The following INF2 variants were observed in gnomAD, a reference collection of about 807,000 sequenced individuals.
The protein encoded by INF2 is inverted formin-2.
Under a neutral mutation model 123.5 loss-of-function variants are expected in INF2, and 43 were observed. That is an observed-to-expected ratio of 0.35 (90% CI 0.27 to 0.45). The LOEUF (loss-of-function observed/expected upper bound fraction) is 0.45. INF2 is among the 20% of genes least tolerant of loss of function. The pLI is 1.00. For synonymous variants in INF2, 851 were observed against 745.0 expected (o/e 1.14, Z -2.32); for missense variants, 1,453 against 1,682.7 (o/e 0.86, Z 2.39).
At position 104,711,123 on chromosome 14, in the gene INF2, G is replaced by A. The variant is rs760498498; in HGVS notation, c.2355G>A (p.Leu785=). The A allele has an allele frequency of 2.5e-6, 4 of 1,583,272 alleles. No homozygotes were observed. The highest frequency in any genetic ancestry group is 3.4e-6 in the Non-Finnish European group (4 of 1,166,170). ...GDADGFKIST[L]LKLTETKSQQ... ...CCGACGGCTTCAAGATCAGCACATT[G>A]CTGAAGCTCACGGAGACCAAGTCCC... is the stretch of plus-strand genomic sequence containing the variant. Residue 785 remains leucine (L), a synonymous_variant, in exon 15 of 23, where the codon TTG becomes TTA. Coordinates refer to ENST00000392634, the MANE Select transcript of INF2 (RefSeq NM_022489.4).
chr14:104,710,054 G>A, intron 12 of INF2, 34 bp from the exon 13 acceptor site: 1 of 1,498,856 alleles, frequency 6.7e-7, no homozygotes, highest in Non-Finnish European at 9.1e-7. Flanking sequence ...GGTGGGGGGT[G>A]CAGGCCACTG....
At chr14:104,706,373 G>A (rs990954761) in intron 6 of INF2, among the ~76,000 whole-genome samples, 197 bp downstream of exon 6, 21 of 152,164 alleles carry the variant, frequency 1.4e-4, no homozygotes, top group African/African-American at 1.9e-4. Context: ...CGCCTAGAGC[G>A]GGCAGCCTGG....
intron 22 of INF2, among the ~76,000 whole-genome samples, chr14:104,717,336 C>A (rs1181151089): frequency 3.5e-5 from 5 of 144,534 alleles, no homozygotes; most frequent in Non-Finnish European, 7.5e-5. Flanking sequence ...TCCTAGTCCG[C>A]CCCCCCGGGC....
At chr14:104,682,268 T>G (rs1233485359) in intron 1 of INF2, among the ~76,000 whole-genome samples, 5 of 152,058 alleles carry the variant, frequency 3.3e-5, no homozygotes, top group Non-Finnish European at 7.4e-5. Context: ...AGGGGCTGGG[T>G]CAGAGCCTTG....
intron 22 of INF2, among the ~76,000 whole-genome samples, chr14:104,718,362 G>A (rs899468165): frequency 2.0e-5 from 3 of 152,206 alleles, no homozygotes; most frequent in African/African-American, 4.8e-5. Flanking sequence ...AGGGCTGAGC[G>A]CCCTCAGCAG....
intron 5 of INF2, chr14:104,704,151 C>T (rs1889667195): frequency 2.1e-6 from 3 of 1,445,884 alleles, no homozygotes; most frequent in Non-Finnish European, 2.7e-6. Flanking sequence ...CAGCTGCCCA[C>T]AGAAACTAGG....
intron 1 of INF2, among the ~76,000 whole-genome samples, chr14:104,692,690 C>T (rs12147300): frequency 0.22 from 33,203 of 152,290 alleles, 3,955 homozygotes; most frequent in Non-Finnish European, 0.27. Flanking sequence ...GCCTGGACCC[C>T]GGAGCCCTCC....
Position 104,706,912 on chromosome 14 carries a change from G to A in INF2, c.846G>A (p.Val282=), listed in dbSNP as rs2140665429. 1.2e-6 allele frequency: 2 copies of A among 1,604,222 alleles called. No individual in the cohort carries two copies. Among genetic ancestry groups the A allele is most frequent in the Admixed American group, 3.3e-5 (2 of 59,938 alleles). ...QEVFASLFHK[V]SCSPVSAQLL... is the part of the protein sequence containing the mutation. ...GCACCCCACACTCGCCCGTCCAGGT[G>A]AGCTGCTCCCCGGTGTCTGCCCAGC... The change falls in exon 7 of 23, where the codon GTG becomes GTA. Residue 282 remains valine, a splice_region_variant and synonymous_variant. Transcript: ENST00000392634.
intron 1 of INF2, among the ~76,000 whole-genome samples, chr14:104,700,166 C>T (rs1889403060): frequency 2.0e-5 from 3 of 152,184 alleles, no homozygotes; most frequent in Admixed American, 6.5e-5. Context: ...GGTCCCCTGA[C>T]TTACCGGGTT....
Position 104,718,781 on chromosome 14 carries a change from T to TC in INF2, c.*2-13dup, listed in dbSNP as rs1566788736. ...AACTGCTCCTAATAATGTCATTTTT[T>TC]CTCTCTCTTACAGGCCTCAGGCCCA... On this transcript the variant is annotated splice_polypyrimidine_tract_variant and intron_variant, in intron 22 of 22. Coordinates refer to ENST00000392634, the MANE Select transcript of INF2 (RefSeq NM_022489.4). 1 of 1,612,806 alleles carries TC rather than the reference T, an allele frequency of 6.2e-7. No homozygotes were observed. The highest frequency in any genetic ancestry group is 2.2e-5 in the East Asian group (1 of 44,860).
At chr14:104,706,283 C>CAGGG in intron 6 of INF2, 107 bp downstream of exon 6, 3 of 1,190,538 alleles carry the variant, frequency 2.5e-6, no homozygotes, top group Non-Finnish European at 3.5e-6. Flanking sequence ...TCAGACCCTG[C>CAGGG]TGTGACCTGG....
chr14:104,706,758 C>G (rs1889797273), intron 6 of INF2, among the ~76,000 whole-genome samples, 152 bp from the exon 7 acceptor site: 1 of 152,146 alleles, frequency 6.6e-6, no homozygotes, highest in South Asian at 2.1e-4. Context: ...TCCCACATGT[C>G]ACCAGTACCA....
In INF2 at chr14:104,708,515, A is replaced by T; in HGVS notation, c.1815A>T (p.Leu605=). ...CCGACTTCTCCAGCATCGAGCGACT[A>T]TTCTCCTTCCCTGCAGCCAAGCCCA... The part of the protein sequence containing the change: ...VEPDFSSIER[L]FSFPAAKPKE... Residue 605 remains leucine (L), a synonymous_variant, in exon 9 of 23, where the codon CTA becomes CTT. Coordinates refer to ENST00000392634, the MANE Select transcript of INF2 (RefSeq NM_022489.4). 6.2e-7 allele frequency: 1 copy of T among 1,612,190 alleles called. No individual in the cohort carries two copies. Among genetic ancestry groups the T allele is most frequent in the Non-Finnish European group, 8.5e-7 (1 of 1,179,756 alleles).
chr14:104,711,051 G>A (rs1487097664), intron 14 of INF2, 28 bp from the exon 15 acceptor site: 2 of 1,607,502 alleles, frequency 1.2e-6, no homozygotes, highest in Non-Finnish European at 8.5e-7. Context: ...GCCAGGGGCT[G>A]GTGAGACTCA....
At position 104,712,977 on chromosome 14, in the gene INF2, C is replaced by T. The variant is rs745372193; in HGVS notation, c.2760C>T (p.Phe920=). Reference sequence around the variant, plus strand: ...CCATGAAGGCTTTCCGGGACCTTTTCCTCCGCGCCCTGAAGGTGGGGCAGC... The same window carrying T: ...CCATGAAGGCTTTCCGGGACCTTTTTCTCCGCGCCCTGAAGGTGGGGCAGC... ...FSTMKAFRDL[F]LRALKENKDR... The change falls in exon 18 of 23, where the codon TTC becomes TTT. Residue 920 remains phenylalanine (F), a synonymous_variant. Transcript: ENST00000392634. The T allele has an allele frequency of 1.9e-6, 3 of 1,612,548 alleles. No individual in the cohort carries two copies. The highest frequency in any genetic ancestry group is 2.2e-5 in the South Asian group (2 of 91,084).
chr14:104,700,807 G>C, intron 1 of INF2: 1 of 984,734 alleles, frequency 1.0e-6, no homozygotes, highest in Non-Finnish European at 1.2e-6. Flanking sequence ...AGACCTGGGA[G>C]TCGCCCCTCC....
In INF2 at chr14:104,707,790, C is replaced by A; in HGVS notation, c.1523C>A (p.Pro508His). The change falls in exon 8 of 23, where the codon CCT becomes CAT. Residue 508 changes from proline to histidine, a missense_variant. Transcript: ENST00000392634. ...GCPPPPPPLL[P>H]GMGWGPPPPP... ...CCGCCCCCACCCCCACCCCTGCTGC[C>A]TGGTATGGGCTGGGGCCCTCCTCCA... The A allele has an allele frequency of 7.0e-7, 1 of 1,432,298 alleles. No individual in the cohort carries two copies. Among genetic ancestry groups the A allele is most frequent in the East Asian group, 2.5e-5 (1 of 40,440 alleles). The allele number at this position is 1,432,298 out of a possible 1,614,324, so 88.7% of individuals were successfully genotyped here.
In INF2 at chr14:104,713,325, C is replaced by T; in HGVS notation, c.2878+16C>T. The T allele has an allele frequency of 6.4e-7, 1 of 1,550,874 alleles. No individual in the cohort carries two copies. Among genetic ancestry groups the T allele is most frequent in the Non-Finnish European group, 8.7e-7 (1 of 1,147,778 alleles). ...GGGAAGCCTGGTGAGGCTGGGCCGGCTGGGCGGGGAGGGGGTGACTCTGGG... is the reference window on the plus strand; with the variant it reads ...GGGAAGCCTGGTGAGGCTGGGCCGGTTGGGCGGGGAGGGGGTGACTCTGGG... On this transcript the variant is annotated intron_variant, in intron 19 of 22. Coordinates refer to ENST00000392634, the MANE Select transcript of INF2 (RefSeq NM_022489.4).
chr14:104,697,152 C>T (rs1889230704), intron 1 of INF2, among the ~76,000 whole-genome samples: 1 of 152,232 alleles, frequency 6.6e-6, no homozygotes, highest in Non-Finnish European at 1.5e-5. Context: ...AGGGGGCTGT[C>T]CCAGGCAGAC....
Sources: gnomAD v4.1 joint callset for allele counts (sites outside exome capture counted in the v4.1 genomes callset) on GRCh38, gnomAD v4.1.1 for gene constraint, MANE v1.5 for transcripts, NCBI Gene and HGNC (gene_info 2026-07-23, HGNC 2026-07-21) for gene names.